The following NT5DC3 variants were observed in gnomAD, a reference collection of about 807,000 sequenced individuals.
The protein encoded by NT5DC3 is 5'-nucleotidase domain containing 3.
Under a neutral mutation model 67.8 loss-of-function variants are expected in NT5DC3, and 42 were observed. The ratio of observed to expected loss-of-function variants is 0.62; its 90% CI spans 0.48 to 0.80. NT5DC3 has a LOEUF of 0.80. NT5DC3 is among the 30% of genes least tolerant of loss of function. NT5DC3 has a pLI of 0.00. For synonymous variants in NT5DC3, 237 were observed against 255.6 expected (o/e 0.93, Z 0.69); for missense variants, 570 against 696.4 (o/e 0.82, Z 2.04).
intron 2 of NT5DC3, among the ~76,000 whole-genome samples, chr12:103,809,737 G>A (rs1419366516): frequency 4.6e-5 from 7 of 152,158 alleles, no homozygotes; most frequent in Admixed American, 2.0e-4. Flanking sequence ...CCCATGACAC[G>A]TGGGGATTAT....
Position 103,775,099 on chromosome 12 carries a change from C to G in NT5DC3, c.*2730G>C, listed in dbSNP as rs931704373. 2 of 152,026 alleles carry G rather than the reference C, an allele frequency of 1.3e-5. No homozygotes were observed. The highest frequency in any genetic ancestry group is 6.5e-5 in the Admixed American group (1 of 15,274). 9.4% of individuals were successfully genotyped at this position (152,026 alleles called of 1,614,324 possible). A position where few individuals can be genotyped will look rare whatever the true frequency, so the allele number is the denominator to read the frequency against. ...AGGATTAATAATAAAGTGGGATGTG[C>G]CTCCATCGTTCACATGGGAATGACT... On this transcript the variant is annotated 3_prime_UTR_variant, in exon 14 of 14. Transcript: ENST00000392876.
intron 2 of NT5DC3, among the ~76,000 whole-genome samples, chr12:103,814,458 T>C (rs554189640): frequency 2.0e-5 from 3 of 152,326 alleles, no homozygotes; most frequent in Non-Finnish European, 4.4e-5. Flanking sequence ...AAAAAAATGA[T>C]AGGGTTGCAT....
At chr12:103,763,422 CCTG>C in the NT5DC3 span, 1 of 1,412,610 alleles carries the variant, frequency 7.1e-7, no homozygotes, top group South Asian at 1.2e-5. Flanking sequence ...GCTTGCTTTA[CCTG>C]CCAACTTGGC....
chr12:103,828,713 T>C (rs1415520913), intron 1 of NT5DC3, among the ~76,000 whole-genome samples: 3 of 151,040 alleles, frequency 2.0e-5, no homozygotes, highest in South Asian at 2.1e-4. Context: ...TTTTTTTTTT[T>C]TGGAGACGGA....
At chr12:103,790,708 T>C (rs1339523302) in intron 9 of NT5DC3, among the ~76,000 whole-genome samples, 1 of 136,334 alleles carries the variant, frequency 7.3e-6, no homozygotes, top group East Asian at 2.3e-4. Context: ...TTTTTTTTTT[T>C]TTTTTTTTTT....
downstream of NT5DC3, chr12:103,771,036 T>C (rs149450339): frequency 6.6e-6 from 1 of 152,448 alleles, no homozygotes; most frequent in Non-Finnish European, 1.5e-5. Context: ...GCCAGCCTCC[T>C]GGGCAGTGAG....
intron 1 of NT5DC3, among the ~76,000 whole-genome samples, chr12:103,835,172 A>G (rs1888094454): frequency 6.6e-6 from 1 of 152,194 alleles, no homozygotes; most frequent in Admixed American, 6.5e-5. Flanking sequence ...ACTGTGAACC[A>G]GCAGCCTTCA....
Position 103,777,940 on chromosome 12 carries a change from G to C in NT5DC3, c.1536C>G (p.Val512=). ...TCCTCCGGGGGTAGAAAGTGTGGCTGACGTCATAGTTCAGGAGGCAGCTCA... is the reference window on the plus strand; with the variant it reads ...TCCTCCGGGGGTAGAAAGTGTGGCTCACGTCATAGTTCAGGAGGCAGCTCA... ...ASLSCLLNYD[V]SHTFYPRRTP... Residue 512 remains valine (V), a synonymous_variant, in exon 14 of 14, where the codon GTC becomes GTG. Coordinates refer to ENST00000392876, the MANE Select transcript of NT5DC3 (RefSeq NM_001031701.3). 1 of 1,614,224 alleles carries C rather than the reference G, an allele frequency of 6.2e-7. No individual in the cohort carries two copies. The highest frequency in any genetic ancestry group is 1.1e-5 in the South Asian group (1 of 91,090).
downstream of NT5DC3, among the ~76,000 whole-genome samples, chr12:103,767,350 G>T (rs1421665788): frequency 6.6e-6 from 1 of 152,194 alleles, no homozygotes; most frequent in African/African-American, 2.4e-5. Flanking sequence ...TATATGAAAT[G>T]GCTAAAATAG....
intron 13 of NT5DC3, among the ~76,000 whole-genome samples, chr12:103,778,872 T>G (rs1370269735): frequency 6.6e-6 from 1 of 152,110 alleles, no homozygotes; most frequent in Non-Finnish European, 1.5e-5. Flanking sequence ...TCTGGTCACA[T>G]TTCCCCCTTA....
At chr12:103,757,016 TATATATATATATATAAA>T in the NT5DC3 span, among the ~76,000 whole-genome samples, 1 of 135,270 alleles carries the variant, frequency 7.4e-6, no homozygotes, top group Non-Finnish European at 1.6e-5. Context: ...TATATATATA[TATATATATATATATAAA>T]ATATATATAT....
the NT5DC3 span, among the ~76,000 whole-genome samples, chr12:103,760,782 A>G: frequency 2.0e-5 from 3 of 152,192 alleles, no homozygotes; most frequent in Non-Finnish European, 4.4e-5. Flanking sequence ...TCTATTTAAG[A>G]GCAGTTTAGA....
Position 103,792,315 on chromosome 12 carries a change from A to G in NT5DC3, c.1019+849T>C, listed in dbSNP as rs569950000. ...TTCCTGGAGTCACTGTGACACGTGGAAAACTGGGACAAGAGGAATTTAAAG... is the reference window on the plus strand; with the variant it reads ...TTCCTGGAGTCACTGTGACACGTGGGAAACTGGGACAAGAGGAATTTAAAG... On this transcript the variant is annotated intron_variant, in intron 9 of 13. Transcript: ENST00000392876. 2.0e-5 allele frequency among the ~76,000 whole-genome samples: 3 copies of G among 152,322 alleles called. No homozygotes were observed. The South Asian group carries it at 6.2e-4, about 32-fold the overall frequency.
chr12:103,800,782 G>A (rs977736150), intron 4 of NT5DC3, among the ~76,000 whole-genome samples: 2 of 152,232 alleles, frequency 1.3e-5, no homozygotes, highest in African/African-American at 4.8e-5. Context: ...GCACAGATCT[G>A]AATGAGTCTG....
chr12:103,785,387 A>C lies in NT5DC3; in HGVS notation c.1277T>G (p.Ile426Ser). 1.2e-6 allele frequency: 2 copies of C among 1,614,072 alleles called. No individual in the cohort carries two copies. Among genetic ancestry groups the C allele is most frequent in the Non-Finnish European group, 1.7e-6 (2 of 1,179,938 alleles). ...ELKIMNTEQYIQTMTWLQTLT... is the reference protein window; with the variant it reads ...ELKIMNTEQYSQTMTWLQTLT... The stretch of plus-strand genomic sequence containing the variant: ...GGTCTGCAGCCAGGTCATGGTTTGA[A>C]TGTATTGCTCCGTGTTCATGATTTT... Residue 426 changes from isoleucine (I) to serine (S), a missense_variant, in exon 12 of 14, where the codon ATT (isoleucine) becomes AGT (serine). Coordinates refer to ENST00000392876, the MANE Select transcript of NT5DC3 (RefSeq NM_001031701.3).
chr12:103,821,376 T>C (rs1287589254), intron 1 of NT5DC3, among the ~76,000 whole-genome samples: 2 of 152,264 alleles, frequency 1.3e-5, no homozygotes, highest in Non-Finnish European at 2.9e-5. Flanking sequence ...TATGGTCTCA[T>C]GGGGTTCCAT....
chr12:103,766,344 G>A, downstream of NT5DC3: 1 of 1,603,458 alleles, frequency 6.2e-7, no homozygotes, highest in East Asian at 2.2e-5. Context: ...TGAGGGCCTG[G>A]ACGGGAGATG....
intron 4 of NT5DC3, among the ~76,000 whole-genome samples, chr12:103,805,433 G>T (rs1213598230): frequency 6.6e-6 from 1 of 152,172 alleles, no homozygotes; most frequent in East Asian, 1.9e-4. Context: ...AAGTTTGTGA[G>T]AGAAGAATGT....
intron 4 of NT5DC3, among the ~76,000 whole-genome samples, chr12:103,801,494 T>C (rs576948539): frequency 2.5e-4 from 37 of 147,744 alleles, no homozygotes; most frequent in Middle Eastern, 7.0e-3. Flanking sequence ...GCCATTCTCC[T>C]GCCTCAGCCT....
Sources: allele counts gnomAD v4.1 joint callset (sites outside exome capture counted in the v4.1 genomes callset), GRCh38; gene constraint gnomAD v4.1.1; transcripts MANE v1.5; gene names NCBI Gene and HGNC (gene_info 2026-07-23, HGNC 2026-07-21).